The following CNOT9 variants were observed in gnomAD, a reference collection of about 807,000 sequenced individuals.
CNOT9 encodes the protein CCR4-NOT transcription complex subunit 9.
CNOT9 carries 8 observed loss-of-function variants against 37.4 expected under a neutral mutation model. The ratio of observed to expected loss-of-function variants is 0.21; its 90% CI spans 0.13 to 0.39. CNOT9 has a LOEUF of 0.39. CNOT9 is among the 10% of genes least tolerant of loss of function. CNOT9 has a pLI of 1.00. For missense variants in CNOT9, 154 were observed against 365.3 expected (o/e 0.42, Z 4.71); for synonymous variants, 120 against 137.6 (o/e 0.87, Z 0.90).
At chr2:218,572,091 C>A (rs996046101) in intron 1 of CNOT9, among the ~76,000 whole-genome samples, 3 of 151,640 alleles carry the variant, frequency 2.0e-5, no homozygotes, top group Non-Finnish European at 4.4e-5. Flanking sequence ...GAGGCCAAGG[C>A]GGATAGATCA....
Position 218,580,479 on chromosome 2 carries a change from A to G in CNOT9, c.25-82A>G, listed in dbSNP as rs1208323442. ...CTCCCCTGGTATTCATGAAAAATAT[A>G]TTTCCTCTAAAACTCTGTTGCAGGG... On this transcript the variant is annotated intron_variant, in intron 1 of 7. Coordinates refer to ENST00000273064, the MANE Select transcript of CNOT9 (RefSeq NM_005444.3). 7 of 1,188,470 alleles carry G rather than the reference A, an allele frequency of 5.9e-6. No individual in the cohort carries two copies. The South Asian group carries it at 1.0e-4, about 17-fold the overall frequency. 73.6% of individuals were successfully genotyped at this position (1,188,470 alleles called of 1,614,324 possible).
At chr2:218,591,947 C>T (rs1694791766) in intron 5 of CNOT9, among the ~76,000 whole-genome samples, 2 of 151,960 alleles carry the variant, frequency 1.3e-5, no homozygotes, top group Admixed American at 1.3e-4. Flanking sequence ...ATACCGGGCA[C>T]ATAGTAGGTA....
At chr2:218,572,060 C>T (rs1441927475) in intron 1 of CNOT9, among the ~76,000 whole-genome samples, 2 of 151,934 alleles carry the variant, frequency 1.3e-5, no homozygotes, top group East Asian at 3.9e-4. Context: ...GTGGCTCATG[C>T]CTGTAATCCC....
chr2:218,575,470 A>G (rs756906285), intron 1 of CNOT9, among the ~76,000 whole-genome samples: 44 of 142,116 alleles, frequency 3.1e-4, no homozygotes, highest in Non-Finnish European at 6.4e-4. Context: ...CAGTGGTGCA[A>G]TCTCCGCTCA....
chr2:218,578,278 A>C (rs562510), intron 1 of CNOT9, among the ~76,000 whole-genome samples: 100,873 of 152,164 alleles, frequency 0.66, 33,894 homozygotes, highest in East Asian at 0.9. Flanking sequence ...TAGCAGAACA[A>C]CTTGTGGTTC....
intron 1 of CNOT9, chr2:218,572,802 T>A (rs1210544983): frequency 1.9e-6 from 1 of 520,854 alleles, no homozygotes; most frequent in Non-Finnish European, 2.5e-6. Context: ...CACTTGTCTT[T>A]CTCTCACTTT....
At chr2:218,586,380 C>T (rs1296382508) in intron 4 of CNOT9, among the ~76,000 whole-genome samples, 1 of 152,126 alleles carries the variant, frequency 6.6e-6, no homozygotes, top group East Asian at 1.9e-4. Context: ...TGTGCTCCCT[C>T]ATTCGCTCTC....
At chr2:218,575,394 T>TC (rs1694133960) in intron 1 of CNOT9, among the ~76,000 whole-genome samples, 1 of 142,462 alleles carries the variant, frequency 7.0e-6, no homozygotes, top group Admixed American at 6.9e-5. Flanking sequence ...TTTCTTTTTT[T>TC]TTTTTTTTTT....
intron 1 of CNOT9, among the ~76,000 whole-genome samples, chr2:218,575,672 G>A (rs1694142293): frequency 6.6e-6 from 1 of 151,984 alleles, no homozygotes; most frequent in African/African-American, 2.4e-5. Context: ...CAAAGTGCTG[G>A]GATTACAGGC....
Position 218,568,879 on chromosome 2 carries a change from C to T in CNOT9, c.-76C>T, listed in dbSNP as rs1693820041. On this transcript the variant is annotated 5_prime_UTR_variant, in exon 1 of 8. Coordinates refer to ENST00000273064, the MANE Select transcript of CNOT9 (RefSeq NM_005444.3). ...GGCGGCTACGGCGGCTCATTGTTTTCCGCTGCAGGGGTGCTGAAGGGGGGA... is the reference window on the plus strand; with the variant it reads ...GGCGGCTACGGCGGCTCATTGTTTTTCGCTGCAGGGGTGCTGAAGGGGGGA... 3.9e-6 allele frequency: 6 copies of T among 1,528,048 alleles called. No homozygotes were observed. In the Admixed American group the frequency reaches 6.2e-5, roughly 16 times the overall value. The allele number at this position is 1,528,048 out of a possible 1,614,324, so 94.7% of individuals were successfully genotyped here. A position where few individuals can be genotyped will look rare whatever the true frequency, so the allele number is the denominator to read the frequency against.
rs528218974 is a variant in CNOT9 at position 218,588,898 on chromosome 2, A to G, written c.540+1203A>G. ...CCTCAATTTTTTTCTGAAAGAGCATATTACTTGTGTCTTTTTTGTTGATTT... is the reference window on the plus strand; with the variant it reads ...CCTCAATTTTTTTCTGAAAGAGCATGTTACTTGTGTCTTTTTTGTTGATTT... On this transcript the variant is annotated intron_variant, in intron 5 of 7. Coordinates refer to ENST00000273064, the MANE Select transcript of CNOT9 (RefSeq NM_005444.3). Among the ~76,000 whole-genome samples the G allele has an allele frequency of 1.3e-5, 2 of 151,852 alleles. 1 individual carries two copies. Among genetic ancestry groups the G allele is most frequent in the Admixed American group, 1.3e-4 (2 of 15,258 alleles).
At chr2:218,580,145 T>A (rs1009465292) in intron 1 of CNOT9, among the ~76,000 whole-genome samples, 3 of 152,138 alleles carry the variant, frequency 2.0e-5, no homozygotes, top group South Asian at 2.1e-4. Context: ...AATTTTGTAT[T>A]TTTAGTAGAG....
At chr2:218,573,430 G>A (rs1237836101) in intron 1 of CNOT9, among the ~76,000 whole-genome samples, 1 of 151,790 alleles carries the variant, frequency 6.6e-6, no homozygotes, top group Non-Finnish European at 1.5e-5. Context: ...ATACCATGCT[G>A]ACACCCAAAT....
chr2:218,581,149 T>G lies in CNOT9; in HGVS notation c.204+409T>G, dbSNP rs1268741785. ...ATTCTATGGAAAAGAAATGGGTTTT[T>G]GGGTTTTTTTGTTTGTTTTTCTTTT... On this transcript the variant is annotated intron_variant, in intron 2 of 7. Transcript: ENST00000273064. The G allele has an allele frequency of 2.0e-5, 6 of 297,274 alleles. No homozygotes were observed. The East Asian group carries it at 3.7e-4, about 18-fold the overall frequency. 18.4% of individuals were successfully genotyped at this position (297,274 alleles called of 1,614,324 possible). A position where few individuals can be genotyped will look rare whatever the true frequency, so the allele number is the denominator to read the frequency against.
At chr2:218,581,262 G>A (rs368787038) in intron 2 of CNOT9, 2 of 195,800 alleles carry the variant, frequency 1.0e-5, no homozygotes, top group East Asian at 1.3e-4. Flanking sequence ...TCTGCCTCCC[G>A]GGTTGAAGTG....
chr2:218,590,078 T>A (rs629177), intron 5 of CNOT9, among the ~76,000 whole-genome samples: 1 of 151,142 alleles, frequency 6.6e-6, no homozygotes, highest in Non-Finnish European at 1.5e-5. Flanking sequence ...TGTTGTTGTT[T>A]TTTGTTTTTG....
In CNOT9 at chr2:218,594,391, C is replaced by A; in HGVS notation, c.*115C>A. On this transcript the variant is annotated 3_prime_UTR_variant, in exon 8 of 8. Coordinates refer to ENST00000273064, the MANE Select transcript of CNOT9 (RefSeq NM_005444.3). The stretch of plus-strand genomic sequence containing the variant: ...GGAATAGACAACCTCAATGCTGAAC[C>A]GCACTGGAGAAAAGGGGCAAGGTAC... The A allele has an allele frequency of 8.4e-7, 1 of 1,195,076 alleles. No homozygotes were observed. The highest frequency in any genetic ancestry group is 1.2e-6 in the Non-Finnish European group (1 of 860,044). 74.0% of individuals were successfully genotyped at this position (1,195,076 alleles called of 1,614,324 possible). A position where few individuals can be genotyped will look rare whatever the true frequency, so the allele number is the denominator to read the frequency against.
At chr2:218,582,532 T>TA (rs1694426349) in intron 2 of CNOT9, among the ~76,000 whole-genome samples, 2 of 151,984 alleles carry the variant, frequency 1.3e-5, no homozygotes, top group Non-Finnish European at 2.9e-5. Context: ...CTACTAAAAA[T>TA]ACAAAAAATT....
intron 5 of CNOT9, among the ~76,000 whole-genome samples, chr2:218,590,580 C>T (rs771380108): frequency 9.2e-5 from 14 of 152,106 alleles, no homozygotes; most frequent in Admixed American, 2.6e-4. Flanking sequence ...ATGAGTTTCA[C>T]CAATCTAAAG....
Sources: allele counts gnomAD v4.1 joint callset (sites outside exome capture counted in the v4.1 genomes callset), GRCh38; gene constraint gnomAD v4.1.1; transcripts MANE v1.5; gene names NCBI Gene and HGNC (gene_info 2026-07-23, HGNC 2026-07-21).